Variants in LOC400499 observed in about 807,000 individuals in gnomAD.
the LOC400499 span, among the ~76,000 whole-genome samples, chr16:11,517,473 C>A: frequency 6.6e-6 from 1 of 152,212 alleles, no homozygotes; most frequent in African/African-American, 2.4e-5. Flanking sequence ...TATCATCCCT[C>A]CACCCACATT....
At chr16:11,380,454 C>T in the LOC400499 span, among the ~76,000 whole-genome samples, 1 of 152,076 alleles carries the variant, frequency 6.6e-6, no homozygotes, top group African/African-American at 2.4e-5. Flanking sequence ...GTGGCGCATG[C>T]CTGTAATCCC....
At chr16:11,455,562 C>A in the LOC400499 span, among the ~76,000 whole-genome samples, 5 of 151,672 alleles carry the variant, frequency 3.3e-5, no homozygotes, top group African/African-American at 9.7e-5. Context: ...GAGTGAAACC[C>A]CGTCTCTACT....
At chr16:11,406,885 T>C in the LOC400499 span, among the ~76,000 whole-genome samples, 137,806 of 152,222 alleles carry the variant, frequency 0.91, 63,237 homozygotes, top group Non-Finnish European at 0.99. Flanking sequence ...TAGTACTATC[T>C]GGCATATTTC....
the LOC400499 span, among the ~76,000 whole-genome samples, chr16:11,427,746 G>A: frequency 6.6e-6 from 1 of 152,158 alleles, no homozygotes; most frequent in Admixed American, 6.5e-5. Context: ...GCTCTCAGCT[G>A]AGATGTGCAC....
the LOC400499 span, chr16:11,372,188 A>C: frequency 6.6e-6 from 1 of 152,140 alleles, no homozygotes; most frequent in African/African-American, 2.4e-5. Context: ...CAGTGTGTCT[A>C]CCCCAAAGAG....
At chr16:11,448,772 A>T in the LOC400499 span, 1 of 493,704 alleles carries the variant, frequency 2.0e-6, no homozygotes, top group Non-Finnish European at 3.4e-6. Flanking sequence ...AGGAAAGAGA[A>T]AGAGAAATAG....
At chr16:11,415,562 G>C in the LOC400499 span, among the ~76,000 whole-genome samples, 1 of 152,186 alleles carries the variant, frequency 6.6e-6, no homozygotes. Context: ...TTCCTTCCTC[G>C]TTCAACATTC....
the LOC400499 span, chr16:11,477,010 C>T: frequency 2.5e-6 from 1 of 399,954 alleles, no homozygotes; most frequent in Non-Finnish European, 4.4e-6. Flanking sequence ...CCACCTGCGA[C>T]CCCCAGCAGC....
chr16:11,498,529 C>T, the LOC400499 span, among the ~76,000 whole-genome samples: 217 of 145,350 alleles, frequency 1.5e-3, 1 homozygote, highest in African/African-American at 5.2e-3. Flanking sequence ...AAAATTAATC[C>T]GAAATTAAAA....
At chr16:11,435,313 T>C in the LOC400499 span, among the ~76,000 whole-genome samples, 1 of 151,820 alleles carries the variant, frequency 6.6e-6, no homozygotes, top group Non-Finnish European at 1.5e-5. Flanking sequence ...GGGGTCTTGC[T>C]ATATTGTGCA....
chr16:11,477,329 T>A, the LOC400499 span, among the ~76,000 whole-genome samples: 1 of 152,184 alleles, frequency 6.6e-6, no homozygotes, highest in African/African-American at 2.4e-5. Flanking sequence ...GCTGAGGGGC[T>A]GGGGACAGAT....
the LOC400499 span, among the ~76,000 whole-genome samples, chr16:11,497,967 C>T: frequency 0.75 from 114,726 of 152,022 alleles, 43,920 homozygotes; most frequent in African/African-American, 0.88. Context: ...AATAAAATTA[C>T]CCTCAAACCT....
At chr16:11,493,828 G>A in the LOC400499 span, 3 of 301,444 alleles carry the variant, frequency 1.0e-5, no homozygotes, top group South Asian at 1.8e-4. Context: ...ACCATGAGGG[G>A]CAGTGGCGTG....
At chr16:11,455,043 T>C in the LOC400499 span, among the ~76,000 whole-genome samples, 1 of 152,196 alleles carries the variant, frequency 6.6e-6, no homozygotes, top group East Asian at 1.9e-4. Context: ...AAAAAAGTTT[T>C]GCAATGCTGC....
chr16:11,433,141 G>T, the LOC400499 span, among the ~76,000 whole-genome samples: 1 of 152,182 alleles, frequency 6.6e-6, no homozygotes, highest in African/African-American at 2.4e-5. Context: ...TTGAGTAGTT[G>T]CAACAGAGAC....
chr16:11,510,455 G>T, the LOC400499 span, among the ~76,000 whole-genome samples: 1 of 151,742 alleles, frequency 6.6e-6, no homozygotes, highest in Non-Finnish European at 1.5e-5. Flanking sequence ...AGCTGACCTT[G>T]TCTTATCCTT....
At chr16:11,373,127 T>C in the LOC400499 span, among the ~76,000 whole-genome samples, 1 of 152,162 alleles carries the variant, frequency 6.6e-6, no homozygotes, top group Non-Finnish European at 1.5e-5. Context: ...TCAGGATGCA[T>C]CCAACCCAAA....
At chr16:11,419,115 G>A in the LOC400499 span, among the ~76,000 whole-genome samples, 3 of 150,274 alleles carry the variant, frequency 2.0e-5, no homozygotes, top group Non-Finnish European at 3.0e-5. Flanking sequence ...GCAGTGAGCC[G>A]AGATCACACT....
chr16:11,504,564 A>G, the LOC400499 span, among the ~76,000 whole-genome samples: 1 of 151,728 alleles, frequency 6.6e-6, no homozygotes, highest in African/African-American at 2.4e-5. Context: ...CCCCCCCCCA[A>G]AAAAAAGACG....
Sources: gnomAD v4.1 joint callset for allele counts (sites outside exome capture counted in the v4.1 genomes callset) on GRCh38, gnomAD v4.1.1 for gene constraint, MANE v1.5 for transcripts.